The following PLCB1 variants were observed in gnomAD, a reference collection of about 807,000 sequenced individuals.
PLCB1 encodes phospholipase C beta 1, also known as 1-phosphatidylinositol 4,5-bisphosphate phosphodiesterase beta-1.
Under a neutral mutation model 161.8 loss-of-function variants are expected in PLCB1, and 46 were observed. The observed-to-expected ratio is 0.28, with a 90% CI of 0.22 to 0.36. The LOEUF (loss-of-function observed/expected upper bound fraction) is 0.36, where lower values mean the gene tolerates loss of function less well. Among genes scored for constraint, PLCB1 ranks in the 10% least tolerant of loss-of-function variants. The pLI is 1.00. For missense variants in PLCB1, 1,016 were observed against 1,472.5 expected (o/e 0.69, Z 5.07); for synonymous variants, 517 against 503.7 (o/e 1.03, Z -0.35).
intron 2 of PLCB1, among the ~76,000 whole-genome samples, chr20:8,176,876 C>T (rs1164547330): frequency 6.6e-6 from 1 of 152,058 alleles, no homozygotes; most frequent in Non-Finnish European, 1.5e-5. Flanking sequence ...TGAGGACTCT[C>T]AGTATTAGCC....
intron 2 of PLCB1, among the ~76,000 whole-genome samples, chr20:8,354,942 G>C (rs1254224937): frequency 6.6e-6 from 1 of 152,138 alleles, no homozygotes; most frequent in Non-Finnish European, 1.5e-5. Context: ...ACATATATTA[G>C]AGAACGCTTG....
chr20:8,343,474 A>G (rs1985885815), intron 2 of PLCB1, among the ~76,000 whole-genome samples: 2 of 152,316 alleles, frequency 1.3e-5, no homozygotes, highest in East Asian at 1.9e-4. Context: ...GAGATCCACC[A>G]TCCTAGATTA....
chr20:8,298,085 G>A (rs565233351), intron 2 of PLCB1, among the ~76,000 whole-genome samples: 60 of 151,652 alleles, frequency 4.0e-4, no homozygotes, highest in African/African-American at 1.4e-3. Flanking sequence ...GCTTGAGCTC[G>A]GGAGTTCAAG....
rs372631996 is a variant in PLCB1 at position 8,383,795 on chromosome 20, G to C, written c.246+12345G>C. Reference sequence around the variant, plus strand: ...TCGCTTATGAAGCTTAGTTTGGCTGGATATGAAATTCTGGGTTGAAAAGTG... The same window carrying C: ...TCGCTTATGAAGCTTAGTTTGGCTGCATATGAAATTCTGGGTTGAAAAGTG... On this transcript the variant is annotated intron_variant, in intron 3 of 31. Transcript: ENST00000338037. Among the ~76,000 whole-genome samples, 4 of 152,160 alleles carry C rather than the reference G, an allele frequency of 2.6e-5. No homozygotes were observed. The East Asian group carries it at 5.8e-4, about 22-fold the overall frequency.
intron 2 of PLCB1, among the ~76,000 whole-genome samples, chr20:8,179,666 C>T (rs1157173111): frequency 6.6e-6 from 1 of 152,076 alleles, no homozygotes; most frequent in African/African-American, 2.4e-5. Context: ...CTGGCTAGGA[C>T]TTCCAGTACT....
chr20:8,266,069 C>G (rs73895706), intron 2 of PLCB1, among the ~76,000 whole-genome samples: 1 of 152,108 alleles, frequency 6.6e-6, no homozygotes, highest in Non-Finnish European at 1.5e-5. Flanking sequence ...CTTTTTCAGT[C>G]GATGTCAGTG....
At chr20:8,522,438 C>G (rs1026130327) in intron 3 of PLCB1, among the ~76,000 whole-genome samples, 4 of 152,126 alleles carry the variant, frequency 2.6e-5, no homozygotes, top group African/African-American at 4.8e-5. Flanking sequence ...CTAAGAAGGA[C>G]AAAAGCCATT....
At chr20:8,682,269 G>A (rs1738590923) in intron 9 of PLCB1, among the ~76,000 whole-genome samples, 2 of 152,148 alleles carry the variant, frequency 1.3e-5, no homozygotes, top group South Asian at 2.1e-4. Flanking sequence ...GGGAGGCTGT[G>A]GTGGGAGGAT....
intron 3 of PLCB1, among the ~76,000 whole-genome samples, chr20:8,437,897 T>C (rs2122600668): frequency 6.6e-6 from 1 of 152,214 alleles, no homozygotes; most frequent in Admixed American, 6.5e-5. Flanking sequence ...GATTGACAAG[T>C]AGAGGGAAAT....
intron 31 of PLCB1, among the ~76,000 whole-genome samples, chr20:8,845,239 G>A (rs1415577782): frequency 6.6e-6 from 1 of 152,180 alleles, no homozygotes; most frequent in Non-Finnish European, 1.5e-5. Flanking sequence ...GATACAGGAA[G>A]TTCCCATGCT....
chr20:8,798,700 T>G (rs1432142489), intron 31 of PLCB1, among the ~76,000 whole-genome samples: 1 of 151,980 alleles, frequency 6.6e-6, no homozygotes, highest in African/African-American at 2.4e-5. Flanking sequence ...AATCAACAGA[T>G]CAGCAACAAT....
At chr20:8,270,633 A>C (rs1254761561) in intron 2 of PLCB1, among the ~76,000 whole-genome samples, 1 of 152,182 alleles carries the variant, frequency 6.6e-6, no homozygotes, top group East Asian at 1.9e-4. Flanking sequence ...TGAAAAAAAT[A>C]GGAATCACAT....
chr20:8,203,751 A>G (rs1382708796), intron 2 of PLCB1, among the ~76,000 whole-genome samples: 2 of 152,190 alleles, frequency 1.3e-5, no homozygotes, highest in African/African-American at 4.8e-5. Flanking sequence ...ATTAAAGGAC[A>G]AATGTTTCTG....
chr20:8,311,588 G>A (rs1272228397), intron 2 of PLCB1, among the ~76,000 whole-genome samples: 1 of 152,178 alleles, frequency 6.6e-6, no homozygotes, highest in South Asian at 2.1e-4. Flanking sequence ...TTCTCAGGGT[G>A]AGCTTAGGGT....
intron 12 of PLCB1, among the ~76,000 whole-genome samples, chr20:8,713,058 A>T (rs1285477569): frequency 6.6e-6 from 1 of 152,230 alleles, no homozygotes; most frequent in African/African-American, 2.4e-5. Flanking sequence ...ATTTAGTTCC[A>T]TCAGGTGGGT....
chr20:8,559,437 T>TA (rs1986071997), intron 3 of PLCB1, among the ~76,000 whole-genome samples: 1 of 151,820 alleles, frequency 6.6e-6, no homozygotes, highest in Non-Finnish European at 1.5e-5. Flanking sequence ...ACACAAATAG[T>TA]AAAAATGTCA....
chr20:8,706,824 A>C (rs576072950), intron 11 of PLCB1, among the ~76,000 whole-genome samples: 5 of 152,340 alleles, frequency 3.3e-5, no homozygotes, highest in African/African-American at 1.2e-4. Context: ...ATAGATAACC[A>C]TCATGAGCTG....
At chr20:8,343,878 A>G (rs531754439) in intron 2 of PLCB1, among the ~76,000 whole-genome samples, 13 of 152,346 alleles carry the variant, frequency 8.5e-5, no homozygotes, top group African/African-American at 3.1e-4. Flanking sequence ...GTAACCTGTA[A>G]TAAGACAATA....
intron 21 of PLCB1, among the ~76,000 whole-genome samples, 175 bp from the exon 22 acceptor site, chr20:8,740,169 T>G (rs1418641722): frequency 6.6e-6 from 1 of 152,232 alleles, no homozygotes; most frequent in African/African-American, 2.4e-5. Flanking sequence ...AATGTTTTCT[T>G]GTCTGATGAG....
Sources: gnomAD v4.1 joint callset for allele counts (sites outside exome capture counted in the v4.1 genomes callset) on GRCh38, gnomAD v4.1.1 for gene constraint, MANE v1.5 for transcripts, NCBI Gene and HGNC (gene_info 2026-07-23, HGNC 2026-07-21) for gene names.